Variants in IFIH1 observed in about 807,000 individuals in gnomAD.
The protein encoded by IFIH1 is interferon-induced helicase C domain-containing protein 1.
IFIH1 carries 125 observed loss-of-function variants against 107.4 expected under a neutral mutation model. The ratio of observed to expected loss-of-function variants is 1.16; its 90% confidence interval spans 1.01 to 1.35. The LOEUF (loss-of-function observed/expected upper bound fraction) is 1.35. Ranked by LOEUF, IFIH1 falls within the 40% of genes most tolerant of loss-of-function variation. The probability of loss-of-function intolerance (pLI) is 0.00; values close to 1 mark genes in which losing one functional copy is unlikely to be tolerated. For synonymous variants in IFIH1, 458 were observed against 413.2 expected, an observed-to-expected ratio of 1.11 and a Z score of -1.31; for missense variants, 1,333 against 1,213.7, an observed-to-expected ratio of 1.10 and a Z score of -1.46.
chr2:162,279,911 A>G (rs1399050221), intron 8 of IFIH1, 85 bp downstream of exon 8: 2 of 791,634 alleles, frequency 2.5e-6, no homozygotes, highest in African/African-American at 1.8e-5. Context: ...AATATTTTTC[A>G]GATGGTCAGT....
intron 11 of IFIH1, among the ~76,000 whole-genome samples, chr2:162,276,388 A>G (rs533868315): frequency 6.6e-6 from 1 of 152,308 alleles, no homozygotes; most frequent in South Asian, 2.1e-4. Context: ...GGATGGCTTG[A>G]GCCCAGGAGT....
At chr2:162,274,032 G>T (rs952906064) in intron 11 of IFIH1, 88 bp from the exon 12 acceptor site, 4 of 893,692 alleles carry the variant, frequency 4.5e-6, no homozygotes, top group African/African-American at 1.7e-5. Flanking sequence ...AATTGCAACT[G>T]GTCAGTGTAA....
intron 3 of IFIH1, among the ~76,000 whole-genome samples, chr2:162,297,809 T>C (rs1423677958): frequency 6.6e-6 from 1 of 152,114 alleles, no homozygotes; most frequent in Non-Finnish European, 1.5e-5. Context: ...TCTTTCATAA[T>C]TTTGTAAACA....
At chr2:162,290,086 A>G (rs1682970258) in intron 4 of IFIH1, among the ~76,000 whole-genome samples, 1 of 151,876 alleles carries the variant, frequency 6.6e-6, no homozygotes, top group South Asian at 2.1e-4. Context: ...TGTCTAAACA[A>G]AGACCCAGAA....
At chr2:162,310,628 T>G in intron 2 of IFIH1, 137 bp downstream of exon 2, 3 of 647,624 alleles carry the variant, frequency 4.6e-6, no homozygotes, top group Non-Finnish European at 7.9e-6. Flanking sequence ...ATAAAATAGA[T>G]GATCTATCAC....
chr2:162,303,407 C>T (rs748340179), intron 3 of IFIH1, among the ~76,000 whole-genome samples: 6 of 152,142 alleles, frequency 3.9e-5, no homozygotes, highest in Non-Finnish European at 5.9e-5. Context: ...TGAGCCACCA[C>T]GCCTGGCCTG....
chr2:162,279,503 TTA>T (rs1302627949), intron 8 of IFIH1, among the ~76,000 whole-genome samples: 8 of 152,070 alleles, frequency 5.3e-5, no homozygotes, highest in Non-Finnish European at 1.0e-4. Context: ...AAAAGCATCA[TTA>T]AAGTAAATAT....
chr2:162,292,684 T>C (rs1683015519), intron 4 of IFIH1, among the ~76,000 whole-genome samples: 1 of 151,878 alleles, frequency 6.6e-6, no homozygotes, highest in South Asian at 2.1e-4. Flanking sequence ...ATGTGTTTCT[T>C]AATTTATCAT....
chr2:162,277,731 A>T (rs773729704), intron 9 of IFIH1, 38 bp from the exon 10 acceptor site: 1 of 1,562,814 alleles, frequency 6.4e-7, no homozygotes, highest in South Asian at 1.2e-5. Flanking sequence ...AATAATAAGC[A>T]TATAAACCCC....
chr2:162,275,510 C>A (rs1022685057), intron 11 of IFIH1, among the ~76,000 whole-genome samples: 1 of 152,024 alleles, frequency 6.6e-6, no homozygotes. Context: ...AACTTGTTAC[C>A]CAAGGAAAAC....
At chr2:162,311,469 A>C (rs552760782) in intron 1 of IFIH1, among the ~76,000 whole-genome samples, 1 of 151,996 alleles carries the variant, frequency 6.6e-6, no homozygotes, top group Admixed American at 6.6e-5. Context: ...ATATTTGCAT[A>C]GTTGATTATT....
chr2:162,281,876 T>C (rs1446029412), intron 6 of IFIH1, among the ~76,000 whole-genome samples: 1 of 152,068 alleles, frequency 6.6e-6, no homozygotes, highest in Admixed American at 6.6e-5. Context: ...TTTTGTTCTT[T>C]AATAAAATAT....
rs1266267435 is a variant in IFIH1 at position 162,293,636 on chromosome 2, T to C, written c.802A>G (p.Ser268Gly). The change falls in exon 4 of 16, where the codon AGC becomes GGC. Residue 268 changes from serine (S) to glycine (G), a missense_variant. Coordinates refer to ENST00000649979, the MANE Select transcript of IFIH1 (RefSeq NM_022168.4). ...TGTCCAAGACTTTCATCTAAGCAGC[T>C]GACACTTCCTTCTGCCAAACTTGTG... ...SDTSLAEGSV[S>G]CLDESLGHNS... 1.9e-6 allele frequency: 3 copies of C among 1,611,322 alleles called. No individual in the cohort carries two copies. The highest frequency in any genetic ancestry group is 8.5e-7 in the Non-Finnish European group (1 of 1,178,154).
At chr2:162,299,246 T>G (rs748985460) in intron 3 of IFIH1, among the ~76,000 whole-genome samples, 1 of 152,118 alleles carries the variant, frequency 6.6e-6, no homozygotes. Flanking sequence ...CAGTTAATAG[T>G]GAGAAGCCAG....
rs748788327 is a variant in IFIH1, at chr2:162,288,362, A to G, written c.875-7T>C. 1.9e-6 allele frequency: 3 copies of G among 1,605,652 alleles called. No homozygotes were observed. The highest frequency in any genetic ancestry group is 2.6e-6 in the Non-Finnish European group (3 of 1,173,346). ...GCTGCCACATTCTCTTCATCTGAAG[A>G]AGGTTGAAAAGAAAAATAAGAGAAG... On this transcript the variant is annotated splice_polypyrimidine_tract_variant and splice_region_variant and intron_variant, in intron 4 of 15. Coordinates refer to ENST00000649979, the MANE Select transcript of IFIH1 (RefSeq NM_022168.4).
rs1558877564 is a variant in IFIH1 at position 162,314,466 on chromosome 2, TTCTTTCTTTCTTTCTTTC to T, written c.453+3371_453+3388del. ...TTTCTTTCTTTCTTTCTTTCTTTCT[TTCTTTCTTTCTTTCTTTC>T]TTTTTCTTTCTCTCTTTCTTATTAG... On this transcript the variant is annotated intron_variant, in intron 1 of 15. Transcript: ENST00000649979. Among the ~76,000 whole-genome samples, 151 of 134,906 alleles carry T rather than the reference TTCTTTCTTTCTTTCTTTC, an allele frequency of 1.1e-3. 22 individuals are homozygous for T. The highest frequency in any genetic ancestry group is 5.0e-3 in the African/African-American group (145 of 28,906). The allele number at this position is 134,906 out of a possible 152,430, so 88.5% of individuals were successfully genotyped here.
chr2:162,300,530 T>C (rs1683176263), intron 3 of IFIH1, among the ~76,000 whole-genome samples: 1 of 152,174 alleles, frequency 6.6e-6, no homozygotes, highest in South Asian at 2.1e-4. Flanking sequence ...ATGCTAGGTT[T>C]CAAATAAAAT....
rs748372514 is a variant in IFIH1 at position 162,317,847 on chromosome 2, A to G, written c.453+8T>C. 6.4e-7 allele frequency: 1 copy of G among 1,558,170 alleles called. No individual in the cohort carries two copies. Among genetic ancestry groups the G allele is most frequent in the Non-Finnish European group, 8.7e-7 (1 of 1,154,268 alleles). On this transcript the variant is annotated splice_region_variant and intron_variant, in intron 1 of 15. Coordinates refer to ENST00000649979, the MANE Select transcript of IFIH1 (RefSeq NM_022168.4). ...TAAAAGGCTAGCTCCATCTGAACAG[A>G]CACCTACCCGGTTTCTGTCTTCAAT...
chr2:162,308,935 G>C (rs996352100), intron 2 of IFIH1, among the ~76,000 whole-genome samples: 12 of 152,206 alleles, frequency 7.9e-5, no homozygotes, highest in Admixed American at 6.5e-5. Context: ...AGACGTAGAT[G>C]AGACTAGAGG....
Sources: allele counts gnomAD v4.1 joint callset (sites outside exome capture counted in the v4.1 genomes callset), GRCh38; gene constraint gnomAD v4.1.1; transcripts MANE v1.5; gene names NCBI Gene and HGNC (gene_info 2026-07-23, HGNC 2026-07-21).